ITPRIP: variants seen among roughly 807,000 people sequenced by gnomAD.
ITPRIP encodes inositol 1,4,5-trisphosphate receptor-interacting protein.
In ITPRIP, 32 loss-of-function variants were observed where a neutral mutation model predicts 35.8. That is an observed-to-expected ratio of 0.89 (90% confidence interval 0.68 to 1.20). ITPRIP has a LOEUF of 1.20. ITPRIP is among the 50% of genes most tolerant of loss of function. The probability of loss-of-function intolerance (pLI) is 0.00; values close to 1 mark genes in which losing one functional copy is unlikely to be tolerated. For missense variants in ITPRIP, 653 were observed against 735.6 expected (o/e 0.89, Z 1.30); for synonymous variants, 358 against 324.0 (o/e 1.11, Z -1.13).
At chr10:104,335,904 G>A (rs2014224539) in intron 1 of ITPRIP, among the ~76,000 whole-genome samples, 1 of 151,292 alleles carries the variant, frequency 6.6e-6, no homozygotes, top group African/African-American at 2.4e-5. Context: ...AGGATTAAAT[G>A]AGTTAATACA....
At position 104,333,877 on chromosome 10, in the gene ITPRIP, A is replaced by C. The variant is rs564161662; in HGVS notation, c.-14+4369T>G. 3.3e-5 allele frequency: 5 copies of C among 152,376 alleles called. No individual in the cohort carries two copies. Among genetic ancestry groups the C allele is most frequent in the African/African-American group, 7.2e-5 (3 of 41,416 alleles). 9.4% of individuals were successfully genotyped at this position (152,376 alleles called of 1,614,324 possible). A position where few individuals can be genotyped will look rare whatever the true frequency, so the allele number is the denominator to read the frequency against. On this transcript the variant is annotated intron_variant, in intron 1 of 1. Transcript: ENST00000337478. The surrounding 1 kb of genome is among the most constrained non-coding windows in gnomAD (Gnocchi z 4.1). ...AGTCGGCAGAGAATGCAGACCTCCA[A>C]CCGACCTCTGCTGTCCTGAAGAGCG...
In ITPRIP at chr10:104,312,348, C is replaced by A. The variant is rs765222064; in HGVS notation, c.*2060G>T. Reference sequence around the variant, plus strand: ...AAGCAAAGGAGAAGCTATGGGAGATCCAGGCATGGTTTTGGCTTCTGGAGG... The same window carrying A: ...AAGCAAAGGAGAAGCTATGGGAGATACAGGCATGGTTTTGGCTTCTGGAGG... On this transcript the variant is annotated 3_prime_UTR_variant, in exon 2 of 2. Transcript: ENST00000337478. 1 of 152,572 alleles carries A rather than the reference C, an allele frequency of 6.6e-6. No homozygotes were observed. The highest frequency in any genetic ancestry group is 2.4e-5 in the African/African-American group (1 of 41,394). 9.5% of individuals were successfully genotyped at this position (152,572 alleles called of 1,614,324 possible). A position where few individuals can be genotyped will look rare whatever the true frequency, so the allele number is the denominator to read the frequency against.
At chr10:104,336,937 A>C (rs2014246496) in intron 1 of ITPRIP, among the ~76,000 whole-genome samples, 1 of 152,226 alleles carries the variant, frequency 6.6e-6, no homozygotes, top group African/African-American at 2.4e-5. Context: ...TGAGCATGAG[A>C]AGAATGCACC....
chr10:104,328,758 C>T lies in ITPRIP; in HGVS notation c.-14+9488G>A, dbSNP rs2014085209. The T allele has an allele frequency of 6.6e-6, 1 of 152,256 alleles. No homozygotes were observed. Among genetic ancestry groups the T allele is most frequent in the African/African-American group, 2.4e-5 (1 of 41,382 alleles). 9.4% of individuals were successfully genotyped at this position (152,256 alleles called of 1,614,324 possible). On this transcript the variant is annotated intron_variant, in intron 1 of 1. Coordinates refer to ENST00000337478, the MANE Select transcript of ITPRIP (RefSeq NM_001272013.2). This position sits in a 1 kb window ranked among gnomAD's most constrained non-coding sequence, Gnocchi z 4.1. Reference sequence around the variant, plus strand: ...ACAAAGAGAGCCCAGCTTAGAAAGACACTCTGCCTCTAGGAGATGGGGGAG... The same window carrying T: ...ACAAAGAGAGCCCAGCTTAGAAAGATACTCTGCCTCTAGGAGATGGGGGAG...
intron 1 of ITPRIP, among the ~76,000 whole-genome samples, chr10:104,335,784 C>T (rs1196109599): frequency 6.6e-6 from 1 of 152,160 alleles, no homozygotes; most frequent in Non-Finnish European, 1.5e-5. Context: ...CTATGAATGC[C>T]CAGTGATTAA....
rs1398405027 is a variant in ITPRIP, at chr10:104,328,470, T to C, written c.-14+9776A>G. ...CACAAACGTTCAGGCAAAACCACACTTTCTCAGTGGGACAGGGAGGGGAGG... is the reference window on the plus strand; with the variant it reads ...CACAAACGTTCAGGCAAAACCACACCTTCTCAGTGGGACAGGGAGGGGAGG... On this transcript the variant is annotated intron_variant, in intron 1 of 1. Transcript: ENST00000337478. This position sits in a 1 kb window ranked among gnomAD's most constrained non-coding sequence, Gnocchi z 4.1. Among the ~76,000 whole-genome samples the C allele has an allele frequency of 6.6e-6, 1 of 152,002 alleles. No homozygotes were observed. Among genetic ancestry groups the C allele is most frequent in the Non-Finnish European group, 1.5e-5 (1 of 68,006 alleles).
chr10:104,318,359 T>C (rs1296885902), intron 1 of ITPRIP, among the ~76,000 whole-genome samples: 1 of 151,990 alleles, frequency 6.6e-6, no homozygotes, highest in African/African-American at 2.4e-5. Flanking sequence ...TAGGAGATAA[T>C]TTGGGGGGTT....
intron 1 of ITPRIP, among the ~76,000 whole-genome samples, chr10:104,324,602 C>A (rs1217172875): frequency 6.6e-6 from 1 of 152,170 alleles, no homozygotes; most frequent in Non-Finnish European, 1.5e-5. Context: ...CTCCCCCAGA[C>A]CTGCCACCCT....
rs557384863 is a variant in ITPRIP at position 104,314,523 on chromosome 10, C to T, written c.1529G>A (p.Arg510Gln). The change falls in exon 2 of 2, where the codon CGA becomes CAA. Residue 510 changes from arginine (R) to glutamine (Q), a missense_variant. Transcript: ENST00000337478. ...GTCCAGTGTCTTACGGTAAAGGCTT[C>T]GCTGCAGGACGAAGGGCCGGAAGAG... is the stretch of plus-strand genomic sequence containing the variant. Reference protein sequence around the residue: ...LNLFRPFVLQRSLYRKTLDSF... With the variant: ...LNLFRPFVLQQSLYRKTLDSF... 44 of 1,614,164 alleles carry T rather than the reference C, an allele frequency of 2.7e-5. No homozygotes were observed. Among genetic ancestry groups the T allele is most frequent in the East Asian group, 2.5e-4 (11 of 44,872 alleles).
At chr10:104,316,742 C>A (rs960623486) in intron 1 of ITPRIP, among the ~76,000 whole-genome samples, 2 of 152,176 alleles carry the variant, frequency 1.3e-5, no homozygotes, top group East Asian at 1.9e-4. Flanking sequence ...GTTTGAGTGG[C>A]CTTTCCACCA....
Position 104,315,975 on chromosome 10 carries a change from T to A in ITPRIP, c.77A>T (p.Glu26Val), listed in dbSNP as rs939150334. ...CTCGTTCTCGGGGACTGTGGCGTTC[T>A]CCCGCGGGAACAGCAGCGGGTGGTT... ...IINHPLLFPRENATVPENEEE... is the reference protein window; with the variant it reads ...IINHPLLFPRVNATVPENEEE... The change falls in exon 2 of 2, where the codon GAG (glutamate) becomes GTG (valine). Residue 26 changes from glutamate (E) to valine (V), a missense_variant. Physicochemically the swap from Glu to Val is moderately radical, Grantham distance 121 (BLOSUM62 -2). Transcript: ENST00000337478. The surrounding 1 kb of genome is among the most constrained non-coding windows in gnomAD (Gnocchi z 5.7). 6.2e-7 allele frequency: 1 copy of A among 1,613,108 alleles called. No individual in the cohort carries two copies. Among genetic ancestry groups the A allele is most frequent in the African/African-American group, 1.3e-5 (1 of 74,896 alleles).
At chr10:104,318,553 A>G (rs1479917763) in intron 1 of ITPRIP, among the ~76,000 whole-genome samples, 2 of 152,304 alleles carry the variant, frequency 1.3e-5, no homozygotes, top group East Asian at 3.9e-4. Flanking sequence ...CCCTGTGTCT[A>G]CGCCACACTT....
chr10:104,323,588 C>T (rs546380176), intron 1 of ITPRIP: 2 of 152,442 alleles, frequency 1.3e-5, no homozygotes, highest in Admixed American at 6.5e-5. Flanking sequence ...GTCTCCCGAG[C>T]TTCCCAGGCC....
Position 104,315,286 on chromosome 10 carries a change from T to G in ITPRIP, c.766A>C (p.Ile256Leu). 1 of 1,598,432 alleles carries G rather than the reference T, an allele frequency of 6.3e-7. No homozygotes were observed. Among genetic ancestry groups the G allele is most frequent in the Non-Finnish European group, 8.5e-7 (1 of 1,170,404 alleles). The change falls in exon 2 of 2, where the codon ATC becomes CTC. Residue 256 changes from isoleucine to leucine, a missense_variant. Transcript: ENST00000337478. This position sits in a 1 kb window ranked among gnomAD's most constrained non-coding sequence, Gnocchi z 5.7. ...VRADGDTLSC[I>L]CGKTKLGEDM... ...TCCCCGAGCTTGGTCTTGCCGCAGA[T>G]GCAGCTCAATGTGTCCCCATCGGCG...
At position 104,314,301 on chromosome 10, in the gene ITPRIP, C is replaced by A; in HGVS notation, c.*107G>T. On this transcript the variant is annotated 3_prime_UTR_variant, in exon 2 of 2. Coordinates refer to ENST00000337478, the MANE Select transcript of ITPRIP (RefSeq NM_001272013.2). ...CCTGGCAGGCTGAGCACGGCTCCCA[C>A]GAAAGCCCGCCTTGTCCCCAGAACA... The A allele has an allele frequency of 6.6e-7, 1 of 1,511,726 alleles. No homozygotes were observed. Among genetic ancestry groups the A allele is most frequent in the Admixed American group, 2.3e-5 (1 of 44,170 alleles). 93.6% of individuals were successfully genotyped at this position (1,511,726 alleles called of 1,614,324 possible).
chr10:104,333,233 C>T lies in ITPRIP; in HGVS notation c.-14+5013G>A, dbSNP rs548739308. 246 of 152,604 alleles carry T rather than the reference C, an allele frequency of 1.6e-3. No individual in the cohort carries two copies. Among genetic ancestry groups the T allele is most frequent in the Non-Finnish European group, 1.3e-3 (92 of 68,240 alleles). 9.5% of individuals were successfully genotyped at this position (152,604 alleles called of 1,614,324 possible). On this transcript the variant is annotated intron_variant, in intron 1 of 1. Transcript: ENST00000337478. This position sits in a 1 kb window ranked among gnomAD's most constrained non-coding sequence, Gnocchi z 4.1. The stretch of plus-strand genomic sequence containing the variant: ...CTCTCTGACCCAAGGCCTAAAGACC[C>T]ACCACCAACTGACACAGCCCAGATC...
At position 104,315,537 on chromosome 10, in the gene ITPRIP, AG is replaced by A; in HGVS notation, c.514del (p.Leu172TrpfsTer4). 6.2e-7 allele frequency: 1 copy of A among 1,614,214 alleles called. No individual in the cohort carries two copies. On this transcript the variant is annotated frameshift_variant, in exon 2 of 2. Transcript: ENST00000337478. LOFTEE classifies it high-confidence loss of function. This position sits in a 1 kb window ranked among gnomAD's most constrained non-coding sequence, Gnocchi z 5.7. The stretch of plus-strand genomic sequence containing the variant: ...GTTGCAGAGGCTCCTCAGGGCTTCC[AG>A]CAAGTCATCCACGAAGCCTTCCAGG... Reference protein sequence around the residue: ...EFLEGFVDDLLEALRSLCNRD... With the variant: ...EFLEGFVDDLXEALRSLCNRD...
rs777471794 is a variant in ITPRIP, at chr10:104,315,595, C to A, written c.457G>T (p.Ala153Ser). ...CGGGTACGGGCTGCATCGGCCGTGG[C>A]CCCCCGGATGCAGCGCTCATAAAAG... ...GHFYERCIRG[A>S]TADAARTREF... The change falls in exon 2 of 2, where the codon GCC (alanine) becomes TCC (serine). Residue 153 changes from alanine (A) to serine (S), a missense_variant. By Grantham distance (99) the Ala-to-Ser change is moderately conservative. Coordinates refer to ENST00000337478, the MANE Select transcript of ITPRIP (RefSeq NM_001272013.2). This position sits in a 1 kb window ranked among gnomAD's most constrained non-coding sequence, Gnocchi z 5.7. 2.7e-5 allele frequency: 44 copies of A among 1,613,154 alleles called. No homozygotes were observed. The Middle Eastern group carries it at 4.9e-4, about 18-fold the overall frequency.
At chr10:104,336,494 TG>T (rs60388927) in intron 1 of ITPRIP, among the ~76,000 whole-genome samples, 28,163 of 74,282 alleles carry the variant, frequency 0.38, 2,200 homozygotes, top group Middle Eastern at 0.5. Context: ...TATTTTTTTT[TG>T]GGGGGGGGGG....
Sources: allele counts gnomAD v4.1 joint callset (sites outside exome capture counted in the v4.1 genomes callset), GRCh38; gene constraint gnomAD v4.1.1; non-coding constraint Gnocchi (gnomAD v3.1); transcripts MANE v1.5; gene names NCBI Gene and HGNC (gene_info 2026-07-23, HGNC 2026-07-21).